The following PDZD2 variants were observed in gnomAD, a reference collection of about 807,000 sequenced individuals.
PDZD2 encodes PDZ domain-containing protein 2.
Under a neutral mutation model 220.7 loss-of-function variants are expected in PDZD2, and 90 were observed. The observed-to-expected ratio is 0.41, with a 90% confidence interval of 0.34 to 0.49. The LOEUF (loss-of-function observed/expected upper bound fraction) is 0.49, where lower values mean the gene tolerates loss of function less well. PDZD2 is among the 20% of genes least tolerant of loss of function. The pLI is 0.28. For missense variants in PDZD2, 3,174 were observed against 3,608.5 expected, an observed-to-expected ratio of 0.88 and a Z score of 3.08; for synonymous variants, 1,375 against 1,450.5, an observed-to-expected ratio of 0.95 and a Z score of 1.18.
In PDZD2 at chr5:31,851,948, CT is replaced by C. The variant is rs199587559; in HGVS notation, c.476+52225del. 2.0e-5 allele frequency among the ~76,000 whole-genome samples: 3 copies of C among 151,962 alleles called. No individual in the cohort carries two copies. In the East Asian group the frequency reaches 5.8e-4, roughly 29 times the overall value. On this transcript the variant is annotated intron_variant, in intron 2 of 24. Transcript: ENST00000438447. ...CTCGGCTCACTGCAACCTCCGCCTC[CT>C]GGGTTGAAGTGATTCTCGTGCCTCA...
At chr5:31,782,467 C>T (rs766607634) in intron 1 of PDZD2, among the ~76,000 whole-genome samples, 1 of 152,046 alleles carries the variant, frequency 6.6e-6, no homozygotes, top group Non-Finnish European at 1.5e-5. Context: ...AACCTTCTTC[C>T]TGTGGTCCCA....
At position 31,827,710 on chromosome 5, in the gene PDZD2, A is replaced by AT. The variant is rs773782623; in HGVS notation, c.476+27986_476+27987insT. 2.2e-4 allele frequency among the ~76,000 whole-genome samples: 5 copies of AT among 22,690 alleles called. 1 individual carries two copies. The highest frequency in any genetic ancestry group is 2.1e-4 in the African/African-American group (1 of 4,704). The allele number at this position is 22,690 out of a possible 152,430, so 14.9% of individuals were successfully genotyped here. ...CTGTCTCAAAAAAAATAAATAAATAAAAAAATAAAAATAATTTTAAAATGG... is the reference window on the plus strand; with the variant it reads ...CTGTCTCAAAAAAAATAAATAAATAATAAAAATAAAAATAATTTTAAAATGG... On this transcript the variant is annotated intron_variant, in intron 2 of 24. Coordinates refer to ENST00000438447, the MANE Select transcript of PDZD2 (RefSeq NM_178140.4).
At chr5:31,850,243 T>TATACAC (rs577432352) in intron 2 of PDZD2, among the ~76,000 whole-genome samples, 11,069 of 122,054 alleles carry the variant, frequency 0.091, 802 homozygotes, top group East Asian at 0.31. Flanking sequence ...TATATATATA[T>TATACAC]ACACACACAC....
chr5:32,075,377 T>A (rs1021998798), intron 18 of PDZD2, among the ~76,000 whole-genome samples: 1 of 152,200 alleles, frequency 6.6e-6, no homozygotes, highest in African/African-American at 2.4e-5. Flanking sequence ...CTCACAGAGC[T>A]GGAGGGACCA....
chr5:31,883,409 T>A (rs1263390229), intron 2 of PDZD2, among the ~76,000 whole-genome samples: 10 of 151,380 alleles, frequency 6.6e-5, no homozygotes, highest in Non-Finnish European at 1.0e-4. Context: ...TTAGTAGAGA[T>A]GGGGTTTTGC....
rs113998814 is a variant in PDZD2 at position 31,733,646 on chromosome 5, C to T, written c.-360-65243C>T. ...GATAGAAGCTTTGCCTTCTGGTGGC[C>T]GTCTTTACTCCCATGTGCAGAGTGC... On this transcript the variant is annotated intron_variant, in intron 1 of 24. Coordinates refer to ENST00000438447, the MANE Select transcript of PDZD2 (RefSeq NM_178140.4). 5.6e-3 allele frequency among the ~76,000 whole-genome samples: 846 copies of T among 152,246 alleles called. 4 individuals are homozygous for T. Among genetic ancestry groups the T allele is most frequent in the Middle Eastern group, 0.01 (3 of 292 alleles).
Position 32,074,240 on chromosome 5 carries a change from T to C in PDZD2, c.3134T>C (p.Ile1045Thr). ...AGCTCAGTGGACTTAGAGGAGAGTA[T>C]CCCAGAGGGCATGGTGGATGCTGCG... Reference protein sequence around the residue: ...LGSSVDLEESIPEGMVDAASY... With the variant: ...LGSSVDLEESTPEGMVDAASY... Residue 1045 changes from isoleucine to threonine, a missense_variant, in exon 18 of 25, where the codon ATC (isoleucine) becomes ACC (threonine). By Grantham distance (89) the Ile-to-Thr change is moderately conservative. Coordinates refer to ENST00000438447, the MANE Select transcript of PDZD2 (RefSeq NM_178140.4). 1 of 1,614,170 alleles carries C rather than the reference T, an allele frequency of 6.2e-7. No individual in the cohort carries two copies. Among genetic ancestry groups the C allele is most frequent in the Non-Finnish European group, 8.5e-7 (1 of 1,180,038 alleles).
chr5:32,104,717 A>T (rs1371197207), intron 24 of PDZD2, among the ~76,000 whole-genome samples: 11 of 34,668 alleles, frequency 3.2e-4, no homozygotes, highest in Admixed American at 8.8e-4. Context: ...GGCTCCATCT[A>T]AAAAAAAAAA....
At chr5:31,936,087 G>T in intron 2 of PDZD2, 2 of 987,672 alleles carry the variant, frequency 2.0e-6, no homozygotes, top group Non-Finnish European at 2.4e-6. Context: ...GCTGTGGGTG[G>T]GTGGGGCTCT....
At chr5:31,962,516 G>A (rs936401500) in intron 2 of PDZD2, among the ~76,000 whole-genome samples, 5 of 152,200 alleles carry the variant, frequency 3.3e-5, no homozygotes, top group African/African-American at 4.8e-5. Context: ...CAAGAACCCC[G>A]TGGTTGAGTG....
chr5:31,910,199 G>A (rs182510770), intron 2 of PDZD2, among the ~76,000 whole-genome samples: 21 of 148,696 alleles, frequency 1.4e-4, no homozygotes, highest in African/African-American at 5.2e-4. Context: ...CCCAGCTGTG[G>A]AGCTCCAGAG....
chr5:31,790,560 T>C (rs1345627548), intron 1 of PDZD2, among the ~76,000 whole-genome samples: 1 of 152,060 alleles, frequency 6.6e-6, no homozygotes, highest in Admixed American at 6.6e-5. Context: ...GCTGTAGAGA[T>C]TTAAGCATCC....
intron 1 of PDZD2, among the ~76,000 whole-genome samples, chr5:31,765,333 G>T (rs970600314): frequency 2.0e-5 from 3 of 152,064 alleles, no homozygotes; most frequent in Non-Finnish European, 2.9e-5. Context: ...GAACATCGGT[G>T]ACCACACTTC....
chr5:31,949,218 A>AT (rs773727908), intron 2 of PDZD2, among the ~76,000 whole-genome samples: 51 of 148,436 alleles, frequency 3.4e-4, no homozygotes, highest in Admixed American at 1.4e-3. Flanking sequence ...AGAGAATCTC[A>AT]TTTTTTTTTT....
chr5:32,075,017 G>A (rs1402581703), intron 18 of PDZD2, among the ~76,000 whole-genome samples: 3 of 152,086 alleles, frequency 2.0e-5, no homozygotes, highest in African/African-American at 7.2e-5. Context: ...TCACCATATT[G>A]GTCAGGCTGG....
At chr5:31,772,913 C>T (rs1752418126) in intron 1 of PDZD2, among the ~76,000 whole-genome samples, 1 of 152,194 alleles carries the variant, frequency 6.6e-6, no homozygotes, top group Non-Finnish European at 1.5e-5. Context: ...ATGGTATAGA[C>T]ACACGTGTTG....
At chr5:31,865,833 G>T (rs1258596773) in intron 2 of PDZD2, among the ~76,000 whole-genome samples, 10 of 150,070 alleles carry the variant, frequency 6.7e-5, no homozygotes, top group African/African-American at 2.5e-4. Context: ...GGGTTTCACC[G>T]TGTTAGCCAG....
At chr5:31,655,078 A>G (rs1413682925) in intron 1 of PDZD2, among the ~76,000 whole-genome samples, 1 of 152,152 alleles carries the variant, frequency 6.6e-6, no homozygotes, top group Non-Finnish European at 1.5e-5. Flanking sequence ...TGTCACCATC[A>G]GTGGAGTCTT....
intron 1 of PDZD2, among the ~76,000 whole-genome samples, chr5:31,709,584 G>T (rs201397668): frequency 6.6e-6 from 1 of 152,140 alleles, no homozygotes; most frequent in East Asian, 1.9e-4. Context: ...GGAAATGTGG[G>T]TTCAAAAGAA....
Sources: gnomAD v4.1 joint callset for allele counts (sites outside exome capture counted in the v4.1 genomes callset) on GRCh38, gnomAD v4.1.1 for gene constraint, MANE v1.5 for transcripts, NCBI Gene and HGNC (gene_info 2026-07-23, HGNC 2026-07-21) for gene names.